The following ZNF608 variants were observed in gnomAD, a reference collection of about 807,000 sequenced individuals.
ZNF608 encodes the protein renal carcinoma antigen NY-REN-36.
Under a neutral mutation model 109.0 loss-of-function variants are expected in ZNF608, and 12 were observed. The ratio of observed to expected loss-of-function variants is 0.11; its 90% CI spans 0.07 to 0.18. ZNF608 has a LOEUF of 0.18. Among genes scored for constraint, ZNF608 ranks in the 10% least tolerant of loss-of-function variants. ZNF608 has a pLI of 1.00. For missense variants in ZNF608, 1,707 were observed against 1,879.3 expected (o/e 0.91, Z 1.70); for synonymous variants, 732 against 717.4 (o/e 1.02, Z -0.33).
At chr5:124,710,057 A>G (rs1215503396) in intron 2 of ZNF608, 10 of 285,968 alleles carry the variant, frequency 3.5e-5, no homozygotes, top group Non-Finnish European at 7.0e-5. Context: ...ATTTCAAAAC[A>G]CATGAATAAT....
At chr5:124,658,149 G>C (rs987511767) in intron 3 of ZNF608, among the ~76,000 whole-genome samples, 7 of 152,050 alleles carry the variant, frequency 4.6e-5, no homozygotes, top group African/African-American at 1.7e-4. Context: ...TGGGGGAGGA[G>C]GGAAGAAGAC....
chr5:124,683,323 T>A (rs6897901), intron 3 of ZNF608, among the ~76,000 whole-genome samples: 22,175 of 152,072 alleles, frequency 0.15, 1,643 homozygotes, highest in East Asian at 0.2. Flanking sequence ...GTGGGATATG[T>A]TTGTTGTTTT....
intron 3 of ZNF608, among the ~76,000 whole-genome samples, chr5:124,677,519 C>G (rs116681607): frequency 0.013 from 1,974 of 152,286 alleles, 24 homozygotes; most frequent in Non-Finnish European, 0.021. Context: ...GATTAATTTT[C>G]CCAAGGCTCA....
intron 2 of ZNF608, among the ~76,000 whole-genome samples, chr5:124,708,361 G>A (rs756559242): frequency 1.3e-5 from 2 of 152,194 alleles, no homozygotes; most frequent in Non-Finnish European, 2.9e-5. Context: ...ACTCAGGGTC[G>A]GTGGCTGAGC....
chr5:124,727,994 T>G (rs532108055), intron 2 of ZNF608, among the ~76,000 whole-genome samples: 4 of 152,248 alleles, frequency 2.6e-5, no homozygotes, highest in African/African-American at 9.6e-5. Context: ...CCGCCTCGGC[T>G]TCCCAAAGTC....
chr5:124,691,897 G>T (rs1303912628), intron 3 of ZNF608, among the ~76,000 whole-genome samples: 1 of 151,944 alleles, frequency 6.6e-6, no homozygotes, highest in African/African-American at 2.4e-5. Context: ...GTACAACACG[G>T]TACCTATGGT....
Position 124,644,464 on chromosome 5 carries a change from A to G in ZNF608, c.3903T>C (p.Pro1301=). ...IKEEPKEAKH[P]DSQSMEESKL... is the part of the protein sequence containing the mutation. ...TGCTCTCCTCCATTGATTGAGAATCAGGATGCTTGGCCTCTTTGGGCTCCT... is the reference window on the plus strand; with the variant it reads ...TGCTCTCCTCCATTGATTGAGAATCGGGATGCTTGGCCTCTTTGGGCTCCT... The change falls in exon 6 of 10, where the codon CCT becomes CCC. Residue 1301 remains proline, a synonymous_variant. Coordinates refer to ENST00000513986, the MANE Select transcript of ZNF608 (RefSeq NM_020747.3). 2 of 1,614,164 alleles carry G rather than the reference A, an allele frequency of 1.2e-6. No individual in the cohort carries two copies. The highest frequency in any genetic ancestry group is 2.2e-5 in the East Asian group (1 of 44,876).
intron 3 of ZNF608, among the ~76,000 whole-genome samples, chr5:124,700,068 T>C (rs1020036744): frequency 1.3e-5 from 2 of 152,140 alleles, no homozygotes; most frequent in Non-Finnish European, 2.9e-5. Context: ...CTTTGACCGA[T>C]CTAACTTACA....
intron 2 of ZNF608, among the ~76,000 whole-genome samples, chr5:124,711,395 T>A (rs1753483061): frequency 6.6e-6 from 1 of 152,242 alleles, no homozygotes; most frequent in African/African-American, 2.4e-5. Flanking sequence ...TTTTTTAAAC[T>A]AACTTTTTAA....
At chr5:124,729,595 T>C (rs1041607541) in intron 2 of ZNF608, among the ~76,000 whole-genome samples, 1 of 152,208 alleles carries the variant, frequency 6.6e-6, no homozygotes, top group African/African-American at 2.4e-5. Context: ...TTTAAGCTGT[T>C]CCTTGACTGT....
At chr5:124,689,466 C>CAAAA (rs112747185) in intron 3 of ZNF608, among the ~76,000 whole-genome samples, 1 of 130,760 alleles carries the variant, frequency 7.6e-6, no homozygotes. Flanking sequence ...CCCTGTCCCT[C>CAAAA]AAAAAAAAAA....
intron 3 of ZNF608, among the ~76,000 whole-genome samples, chr5:124,669,399 T>A (rs1170558916): frequency 6.6e-6 from 1 of 152,142 alleles, no homozygotes; most frequent in East Asian, 1.9e-4. Context: ...GTTCTCAGCA[T>A]GGCATCAGCC....
At chr5:124,679,102 C>T (rs537663637) in intron 3 of ZNF608, among the ~76,000 whole-genome samples, 1 of 152,320 alleles carries the variant, frequency 6.6e-6, no homozygotes, top group Admixed American at 6.5e-5. Flanking sequence ...TGAAAGGAGG[C>T]TTCTTTTCAC....
intron 3 of ZNF608, among the ~76,000 whole-genome samples, chr5:124,695,730 C>G (rs1279898794): frequency 6.6e-6 from 1 of 152,080 alleles, no homozygotes; most frequent in Middle Eastern, 3.4e-3. Flanking sequence ...ATCACAACAA[C>G]TGCACTCCAG....
intron 2 of ZNF608, among the ~76,000 whole-genome samples, chr5:124,720,708 C>T (rs912133350): frequency 2.0e-5 from 3 of 152,020 alleles, no homozygotes; most frequent in Non-Finnish European, 2.9e-5. Flanking sequence ...CAGAATGGGC[C>T]GCACTTCATG....
At chr5:124,732,889 C>A (rs145054742) in intron 2 of ZNF608, among the ~76,000 whole-genome samples, 6 of 152,270 alleles carry the variant, frequency 3.9e-5, no homozygotes, top group African/African-American at 7.2e-5. Context: ...GCTAAAAGAA[C>A]CTTGAGAGTT....
At chr5:124,694,302 C>G (rs921397720) in intron 3 of ZNF608, among the ~76,000 whole-genome samples, 1 of 151,458 alleles carries the variant, frequency 6.6e-6, no homozygotes, top group Non-Finnish European at 1.5e-5. Context: ...CCTCATTAAT[C>G]TTAAAATGAA....
At chr5:124,734,537 A>C (rs1235027111) in intron 2 of ZNF608, 1 of 152,212 alleles carries the variant, frequency 6.6e-6, no homozygotes, top group African/African-American at 2.4e-5. Flanking sequence ...TGGGAAGACC[A>C]AAGTCACAGG....
At chr5:124,733,990 G>C (rs1749028866) in intron 2 of ZNF608, among the ~76,000 whole-genome samples, 1 of 151,942 alleles carries the variant, frequency 6.6e-6, no homozygotes, top group Non-Finnish European at 1.5e-5. Flanking sequence ...AATCAATATA[G>C]GGTTTTATGA....
Sources: gnomAD v4.1 joint callset for allele counts (sites outside exome capture counted in the v4.1 genomes callset) on GRCh38, gnomAD v4.1.1 for gene constraint, MANE v1.5 for transcripts, NCBI Gene and HGNC (gene_info 2026-07-23, HGNC 2026-07-21) for gene names.